NRG1: variants seen among roughly 807,000 people sequenced by gnomAD.
NRG1 encodes the protein neuregulin 1.
In NRG1, 18 loss-of-function variants were observed where a neutral mutation model predicts 63.8. The ratio of observed to expected loss-of-function variants is 0.28; its 90% CI spans 0.19 to 0.42. The LOEUF (loss-of-function observed/expected upper bound fraction) is 0.42. NRG1 is among the 10% of genes least tolerant of loss of function. The pLI is 1.00. For missense variants in NRG1, 762 were observed against 814.7 expected (o/e 0.94, Z 0.79); for synonymous variants, 302 against 301.3 (o/e 1.00, Z -0.02).
chr8:32,593,816 C>T (rs1347141803), intron 1 of NRG1, among the ~76,000 whole-genome samples: 2 of 133,362 alleles, frequency 1.5e-5, no homozygotes, highest in Admixed American at 8.0e-5. Context: ...AAAAAGACTT[C>T]TATGAAAGCT....
At chr8:32,196,072 A>G (rs1003563580) in intron 1 of NRG1, among the ~76,000 whole-genome samples, 1 of 152,038 alleles carries the variant, frequency 6.6e-6, no homozygotes, top group African/African-American at 2.4e-5. Context: ...GTACTAACCT[A>G]ATACTATGTT....
chr8:31,732,442 A>G (rs1814186736), intron 1 of NRG1, among the ~76,000 whole-genome samples: 1 of 152,152 alleles, frequency 6.6e-6, no homozygotes, highest in Admixed American at 6.6e-5. Flanking sequence ...TGGAACGTAT[A>G]CAAATGGAGA....
At chr8:31,751,402 G>A (rs1816446516) in intron 1 of NRG1, among the ~76,000 whole-genome samples, 2 of 151,930 alleles carry the variant, frequency 1.3e-5, no homozygotes, top group African/African-American at 4.8e-5. Flanking sequence ...TTAGTAGAGG[G>A]AACAACATTT....
At chr8:31,675,273 G>A (rs1807570920) in intron 1 of NRG1, among the ~76,000 whole-genome samples, 1 of 152,182 alleles carries the variant, frequency 6.6e-6, no homozygotes, top group Admixed American at 6.5e-5. Context: ...ACCTGGAGGT[G>A]GAGGTTGCAG....
At chr8:31,693,173 T>C (rs1809706788) in intron 1 of NRG1, among the ~76,000 whole-genome samples, 1 of 152,162 alleles carries the variant, frequency 6.6e-6, no homozygotes, top group Non-Finnish European at 1.5e-5. Context: ...AGTTCCTCTC[T>C]TACTGCAAAG....
At chr8:32,326,634 T>A (rs868247256) in intron 1 of NRG1, among the ~76,000 whole-genome samples, 2 of 152,052 alleles carry the variant, frequency 1.3e-5, no homozygotes, top group South Asian at 4.1e-4. Flanking sequence ...CAGCCAGCCA[T>A]CACATTTTTA....
At chr8:32,710,007 C>A (rs1817412488) in intron 5 of NRG1, among the ~76,000 whole-genome samples, 1 of 152,164 alleles carries the variant, frequency 6.6e-6, no homozygotes, top group African/African-American at 2.4e-5. Flanking sequence ...TAAAGCAAGT[C>A]TGATTAGATG....
chr8:31,786,533 T>C lies in NRG1; in HGVS notation c.37+147102T>C, dbSNP rs868470844. ...CTTGAGAGCTCAGTCCCTAAGACTG[T>C]TTCCTCCCCTCACTGCAGATGCCAG... On this transcript the variant is annotated intron_variant, in intron 1 of 10. Transcript: ENST00000519301. Among the ~76,000 whole-genome samples the C allele has an allele frequency of 3.2e-4, 49 of 152,258 alleles. 1 individual carries two copies. Among genetic ancestry groups the C allele is most frequent in the African/African-American group, 1.0e-3 (43 of 41,570 alleles).
At chr8:32,662,001 A>G (rs990112306) in intron 5 of NRG1, among the ~76,000 whole-genome samples, 11 of 152,200 alleles carry the variant, frequency 7.2e-5, no homozygotes, top group Non-Finnish European at 1.5e-5. Context: ...GTTATAAGAG[A>G]ATAATTTGAA....
chr8:32,049,581 A>G (rs899385143), intron 1 of NRG1, among the ~76,000 whole-genome samples: 1 of 152,168 alleles, frequency 6.6e-6, no homozygotes, highest in African/African-American at 2.4e-5. Context: ...GACTGCATGA[A>G]ATGATATCTA....
intron 1 of NRG1, among the ~76,000 whole-genome samples, chr8:31,987,577 C>T (rs902878001): frequency 1.3e-5 from 2 of 151,840 alleles, no homozygotes; most frequent in Non-Finnish European, 2.9e-5. Context: ...GCAATAGACA[C>T]TGAGGCCTAC....
intron 1 of NRG1, among the ~76,000 whole-genome samples, chr8:32,592,730 C>A (rs1842732313): frequency 6.6e-6 from 1 of 151,966 alleles, no homozygotes; most frequent in Non-Finnish European, 1.5e-5. Flanking sequence ...TATTGATAAG[C>A]AAATATATGG....
chr8:32,141,837 G>A (rs933202022), intron 1 of NRG1, among the ~76,000 whole-genome samples: 3 of 151,704 alleles, frequency 2.0e-5, no homozygotes, highest in Non-Finnish European at 4.4e-5. Context: ...CCGACTAATA[G>A]AACTCATTGC....
intron 1 of NRG1, among the ~76,000 whole-genome samples, chr8:32,255,789 A>T (rs1427450054): frequency 6.6e-6 from 1 of 152,198 alleles, no homozygotes; most frequent in Non-Finnish European, 1.5e-5. Context: ...CCTGGATAAT[A>T]TCCTGAAGAG....
intron 1 of NRG1, among the ~76,000 whole-genome samples, chr8:32,526,693 C>A (rs1406020060): frequency 6.6e-6 from 1 of 152,200 alleles, no homozygotes; most frequent in Non-Finnish European, 1.5e-5. Context: ...CTTGCACAAT[C>A]CAGTGAACTA....
intron 1 of NRG1, among the ~76,000 whole-genome samples, chr8:31,989,572 G>GTCC (rs1336489745): frequency 1.3e-5 from 2 of 152,020 alleles, no homozygotes; most frequent in African/African-American, 4.8e-5. Context: ...CTTGCATACA[G>GTCC]TCCTCTTGGG....
chr8:31,765,641 A>C (rs1198961301), intron 1 of NRG1, among the ~76,000 whole-genome samples: 2 of 152,150 alleles, frequency 1.3e-5, no homozygotes, highest in South Asian at 4.1e-4. Context: ...AAGTGTTTTC[A>C]TATCATTCTG....
chr8:32,490,358 G>A (rs917851150), intron 1 of NRG1, among the ~76,000 whole-genome samples: 1 of 151,918 alleles, frequency 6.6e-6, no homozygotes, highest in African/African-American at 2.4e-5. Context: ...AGAAGCCTGG[G>A]GGTGTAGCTC....
chr8:32,229,104 T>A (rs1320454138), intron 1 of NRG1, among the ~76,000 whole-genome samples: 1 of 152,170 alleles, frequency 6.6e-6, no homozygotes, highest in Non-Finnish European at 1.5e-5. Context: ...GCAGTACACC[T>A]TGGCATCACC....
Sources: gnomAD v4.1 joint callset for allele counts (sites outside exome capture counted in the v4.1 genomes callset) on GRCh38, gnomAD v4.1.1 for gene constraint, MANE v1.5 for transcripts, NCBI Gene and HGNC (gene_info 2026-07-23, HGNC 2026-07-21) for gene names.